The following FUT8 variants were observed in gnomAD, a reference collection of about 807,000 sequenced individuals.
FUT8 encodes alpha-(1,6)-fucosyltransferase.
FUT8 carries 29 observed loss-of-function variants against 71.3 expected under a neutral mutation model. That is an observed-to-expected ratio of 0.41 (90% CI 0.30 to 0.55). The LOEUF (loss-of-function observed/expected upper bound fraction) is 0.55, where lower values mean the gene tolerates loss of function less well. Among genes scored for constraint, FUT8 ranks in the 20% least tolerant of loss-of-function variants. The pLI is 0.34. For synonymous variants in FUT8, 254 were observed against 239.3 expected (o/e 1.06, Z -0.57); for missense variants, 544 against 702.1 (o/e 0.77, Z 2.55).
At chr14:65,656,705 A>G (rs543840779) in intron 6 of FUT8, among the ~76,000 whole-genome samples, 1 of 152,092 alleles carries the variant, frequency 6.6e-6, no homozygotes, top group East Asian at 1.9e-4. Context: ...TCAAAAGTAG[A>G]GGAATCACAC....
At chr14:65,500,214 A>G (rs1157090943) in intron 2 of FUT8, among the ~76,000 whole-genome samples, 3 of 152,212 alleles carry the variant, frequency 2.0e-5, no homozygotes, top group Non-Finnish European at 2.9e-5. Context: ...GCAGTGTTCC[A>G]TTAAGTGGTT....
At chr14:65,490,113 G>T (rs1305987952) in intron 2 of FUT8, among the ~76,000 whole-genome samples, 1 of 152,022 alleles carries the variant, frequency 6.6e-6, no homozygotes, top group Non-Finnish European at 1.5e-5. Context: ...CTTCAGAACA[G>T]CTGTAATTAC....
At chr14:65,740,979 T>G (rs1440601525) in intron 10 of FUT8, among the ~76,000 whole-genome samples, 1 of 152,060 alleles carries the variant, frequency 6.6e-6, no homozygotes, top group African/African-American at 2.4e-5. Context: ...AGCGTCATTT[T>G]AAATACATGC....
rs550749886 is a variant in FUT8 at position 65,460,799 on chromosome 14, A to G, written c.-228+5081A>G. Among the ~76,000 whole-genome samples the G allele has an allele frequency of 1.1e-4, 17 of 152,282 alleles. No homozygotes were observed. The South Asian group carries it at 3.5e-3, about 32-fold the overall frequency. ...CTTTCAGTGGTGGCGATGAGGCTTG[A>G]TTAGGATTGGGTAGGTATCATGATA... On this transcript the variant is annotated intron_variant, in intron 2 of 10. Transcript: ENST00000673929.
chr14:65,505,359 C>T (rs2066713417), intron 2 of FUT8, among the ~76,000 whole-genome samples: 1 of 135,300 alleles, frequency 7.4e-6, no homozygotes, highest in African/African-American at 2.9e-5. Flanking sequence ...GTCACCCAGG[C>T]TGGAGTGCAG....
chr14:65,438,152 A>G (rs1196491894), intron 1 of FUT8, among the ~76,000 whole-genome samples: 3 of 152,254 alleles, frequency 2.0e-5, no homozygotes, highest in Non-Finnish European at 4.4e-5. Flanking sequence ...AGAATATATC[A>G]AGAATATTTC....
chr14:65,531,883 G>C (rs1256999129), intron 2 of FUT8, among the ~76,000 whole-genome samples: 1 of 152,094 alleles, frequency 6.6e-6, no homozygotes, highest in Non-Finnish European at 1.5e-5. Flanking sequence ...TTGGTTTTCT[G>C]TTCCTGCATT....
intron 6 of FUT8, among the ~76,000 whole-genome samples, chr14:65,634,003 G>A (rs1182053725): frequency 6.6e-6 from 1 of 152,042 alleles, no homozygotes; most frequent in African/African-American, 2.4e-5. Context: ...CCTCTGCCCG[G>A]CCACCGCTAC....
rs565475880 is a variant in FUT8, at chr14:65,648,858, A to G, written c.597+19252A>G. Among the ~76,000 whole-genome samples, 4 of 152,308 alleles carry G rather than the reference A, an allele frequency of 2.6e-5. No homozygotes were observed. The South Asian group carries it at 8.3e-4, about 32-fold the overall frequency. Reference sequence around the variant, plus strand: ...GTTCTGATGGTATATTGGAGCTATTATGGTCATGCTATCACAAGAGGGTCT... The same window carrying G: ...GTTCTGATGGTATATTGGAGCTATTGTGGTCATGCTATCACAAGAGGGTCT... On this transcript the variant is annotated intron_variant, in intron 6 of 10. Transcript: ENST00000673929.
intron 2 of FUT8, among the ~76,000 whole-genome samples, chr14:65,480,063 C>T (rs926627611): frequency 2.6e-5 from 4 of 152,036 alleles, no homozygotes; most frequent in Non-Finnish European, 4.4e-5. Flanking sequence ...TTAATGACCA[C>T]ATGTTTGGAT....
chr14:65,517,623 A>G (rs1163923117), intron 2 of FUT8, among the ~76,000 whole-genome samples: 1 of 152,184 alleles, frequency 6.6e-6, no homozygotes. Context: ...TCATATCAAC[A>G]TGGAAATTAG....
At chr14:65,361,903 C>T in the FUT8 span, among the ~76,000 whole-genome samples, 1,119 of 152,310 alleles carry the variant, frequency 7.3e-3, 16 homozygotes, top group African/African-American at 0.025. Context: ...TTCCTGAAAT[C>T]GCTGGGAATG....
intron 2 of FUT8, among the ~76,000 whole-genome samples, chr14:65,505,647 T>A (rs543984201): frequency 6.6e-6 from 1 of 152,246 alleles, no homozygotes; most frequent in East Asian, 1.9e-4. Context: ...GTTTTGGAGT[T>A]TCAGGAATTT....
intron 6 of FUT8, among the ~76,000 whole-genome samples, chr14:65,639,566 T>C (rs1363963539): frequency 6.6e-6 from 1 of 151,996 alleles, no homozygotes; most frequent in Non-Finnish European, 1.5e-5. Flanking sequence ...CAATTCTTTG[T>C]TTTGATAGTT....
intron 7 of FUT8, among the ~76,000 whole-genome samples, chr14:65,711,366 C>T (rs115404064): frequency 2.0e-5 from 3 of 152,166 alleles, no homozygotes; most frequent in African/African-American, 7.2e-5. Flanking sequence ...TTACACTGAA[C>T]ATTTAGAATA....
intron 7 of FUT8, among the ~76,000 whole-genome samples, chr14:65,694,175 A>G (rs1893861399): frequency 6.6e-6 from 1 of 151,588 alleles, no homozygotes; most frequent in Non-Finnish European, 1.5e-5. Context: ...TTGTTTTTCT[A>G]TTTTCAGTTT....
chr14:65,461,951 G>A (rs1431910806), intron 2 of FUT8, among the ~76,000 whole-genome samples: 2 of 152,146 alleles, frequency 1.3e-5, no homozygotes, highest in African/African-American at 4.8e-5. Context: ...CATCTGGTAG[G>A]GTGATCTGGT....
chr14:65,644,717 A>G (rs1891041452), intron 6 of FUT8, among the ~76,000 whole-genome samples: 1 of 152,204 alleles, frequency 6.6e-6, no homozygotes, highest in Non-Finnish European at 1.5e-5. Context: ...TAGGGGAAAT[A>G]CAGAGTTAGG....
chr14:65,737,577 G>A (rs936114919), intron 10 of FUT8, among the ~76,000 whole-genome samples: 6 of 152,050 alleles, frequency 3.9e-5, no homozygotes, highest in Admixed American at 3.9e-4. Context: ...TTGTAGATAG[G>A]CACAGTATCA....
Sources: gnomAD v4.1 joint callset for allele counts (sites outside exome capture counted in the v4.1 genomes callset) on GRCh38, gnomAD v4.1.1 for gene constraint, MANE v1.5 for transcripts, NCBI Gene and HGNC (gene_info 2026-07-23, HGNC 2026-07-21) for gene names.